The following PRPSAP2 variants were observed in gnomAD, a reference collection of about 807,000 sequenced individuals.
PRPSAP2 encodes the protein phosphoribosyl pyrophosphate synthase-associated protein 2.
A neutral mutation model predicts 40.6 loss-of-function variants in PRPSAP2; 24 were observed. The ratio of observed to expected loss-of-function variants is 0.59; its 90% CI spans 0.43 to 0.83. The LOEUF (loss-of-function observed/expected upper bound fraction) is 0.83. Among genes scored for constraint, PRPSAP2 ranks in the 40% least tolerant of loss-of-function variants. The probability of loss-of-function intolerance (pLI) is 0.00; values close to 1 mark genes in which losing one functional copy is unlikely to be tolerated. For missense variants in PRPSAP2, 292 were observed against 465.6 expected, an observed-to-expected ratio of 0.63 and a Z score of 3.43; for synonymous variants, 149 against 164.7, an observed-to-expected ratio of 0.90 and a Z score of 0.73.
At chr17:18,897,147 G>A (rs1417622588) in intron 8 of PRPSAP2, among the ~76,000 whole-genome samples, 2 of 151,704 alleles carry the variant, frequency 1.3e-5, no homozygotes, top group Non-Finnish European at 2.9e-5. Flanking sequence ...TTGTAGAGAT[G>A]GGGTCTCACT....
chr17:18,868,696 C>T (rs919349620), intron 4 of PRPSAP2, among the ~76,000 whole-genome samples: 7 of 150,282 alleles, frequency 4.7e-5, no homozygotes, highest in African/African-American at 1.5e-4. Flanking sequence ...ATTCCTGTTC[C>T]TTTTCCACTA....
rs571437512 is a variant in PRPSAP2, at chr17:18,875,648, G to T, written c.240-2050G>T. ...GGAGGCCGAGGCGGGCAGATCAGGA[G>T]TTCAAGACCAGCCTGGCCAACATGG... On this transcript the variant is annotated intron_variant, in intron 5 of 11. Transcript: ENST00000268835. Among the ~76,000 whole-genome samples, 31 of 152,056 alleles carry T rather than the reference G, an allele frequency of 2.0e-4. 1 individual carries two copies. Among genetic ancestry groups the T allele is most frequent in the Admixed American group, 1.3e-3 (20 of 15,242 alleles).
chr17:18,865,780 A>C lies in PRPSAP2; in HGVS notation c.-32-22A>C. ...TATTTCATATCATATGGCAGTTTTT[A>C]ATAAGTATTATATCCTTCTAGGCTC... On this transcript the variant is annotated intron_variant, in intron 2 of 11. Transcript: ENST00000268835. 5 of 1,323,556 alleles carry C rather than the reference A, an allele frequency of 3.8e-6. No individual in the cohort carries two copies. In the South Asian group the frequency reaches 1.3e-4, roughly 34 times the overall value. 82.0% of individuals were successfully genotyped at this position (1,323,556 alleles called of 1,614,324 possible).
intron 8 of PRPSAP2, among the ~76,000 whole-genome samples, chr17:18,898,075 G>A (rs1321626959): frequency 7.5e-6 from 1 of 133,424 alleles, no homozygotes; most frequent in African/African-American, 2.8e-5. Context: ...CTTAGCTCTT[G>A]GTAACCTCCG....
intron 8 of PRPSAP2, among the ~76,000 whole-genome samples, chr17:18,910,482 T>C (rs1263999292): frequency 1.3e-5 from 2 of 152,134 alleles, no homozygotes; most frequent in African/African-American, 4.8e-5. Flanking sequence ...AAATTCTAGA[T>C]AGGTGAAACT....
At chr17:18,915,822 AT>A (rs373945656) in intron 9 of PRPSAP2, among the ~76,000 whole-genome samples, 11,590 of 143,884 alleles carry the variant, frequency 0.081, 708 homozygotes, top group African/African-American at 0.18. Context: ...CTGGGGATCA[AT>A]TTTTTTTTTT....
At chr17:18,892,727 G>GTGTGTGTGTGTGTT (rs60288281) in intron 8 of PRPSAP2, among the ~76,000 whole-genome samples, 7,474 of 126,540 alleles carry the variant, frequency 0.059, 535 homozygotes, top group Non-Finnish European at 0.078. Context: ...GTGTGTGTGT[G>GTGTGTGTGTGTGTT]TATTTATTTA....
At chr17:18,879,396 T>C (rs1464949036) in intron 6 of PRPSAP2, among the ~76,000 whole-genome samples, 1 of 152,190 alleles carries the variant, frequency 6.6e-6, no homozygotes, top group East Asian at 1.9e-4. Context: ...GCAATTCTCC[T>C]GCCTCAGCCC....
intron 10 of PRPSAP2, among the ~76,000 whole-genome samples, chr17:18,926,270 TCTA>T (rs1243468827): frequency 4.8e-5 from 7 of 145,998 alleles, no homozygotes; most frequent in African/African-American, 1.8e-4. Context: ...TTTATTTATT[TCTA>T]TTTTTTTTTT....
At chr17:18,892,957 T>C (rs1597636396) in intron 8 of PRPSAP2, among the ~76,000 whole-genome samples, 3 of 151,902 alleles carry the variant, frequency 2.0e-5, no homozygotes, top group African/African-American at 7.3e-5. Context: ...GAAATGCCTG[T>C]TCACACCCTT....
chr17:18,898,071 T>C (rs2040034103), intron 8 of PRPSAP2, among the ~76,000 whole-genome samples: 1 of 144,826 alleles, frequency 6.9e-6, no homozygotes, highest in African/African-American at 2.5e-5. Context: ...CAATCTTAGC[T>C]CTTGGTAACC....
At chr17:18,867,181 A>G (rs1197227512) in intron 3 of PRPSAP2, 101 bp from the exon 4 acceptor site, 1 of 1,172,192 alleles carries the variant, frequency 8.5e-7, no homozygotes, top group African/African-American at 1.6e-5. Flanking sequence ...GAATAACTTT[A>G]TTTTATTTTA....
chr17:18,862,253 G>A (rs907144968), intron 1 of PRPSAP2, among the ~76,000 whole-genome samples: 1 of 152,164 alleles, frequency 6.6e-6, no homozygotes, highest in Non-Finnish European at 1.5e-5. Flanking sequence ...CAGACCCTGG[G>A]GCTGTTCAAG....
At chr17:18,892,095 T>C (rs1337616049) in intron 8 of PRPSAP2, among the ~76,000 whole-genome samples, 1 of 152,228 alleles carries the variant, frequency 6.6e-6, no homozygotes, top group African/African-American at 2.4e-5. Flanking sequence ...GACCTTGTGA[T>C]CTGCCTGCCT....
chr17:18,865,238 AGTGTC>A (rs1314920952), intron 1 of PRPSAP2, among the ~76,000 whole-genome samples: 1 of 152,148 alleles, frequency 6.6e-6, no homozygotes. Flanking sequence ...TGGTCGCTTA[AGTGTC>A]CTTCAAGGTG....
At position 18,914,249 on chromosome 17, in the gene PRPSAP2, C is replaced by CTTTTTTTTTTTTTTTTTTT. The variant is rs60892883; in HGVS notation, c.733+3006_733+3024dup. ...GAGTTCTGTCCTGAACATGTTTTTG[C>CTTTTTTTTTTTTTTTTTTT]TTTTTTTTTTTTTTTTTTTTTTTTT... On this transcript the variant is annotated intron_variant, in intron 9 of 11. Coordinates refer to ENST00000268835, the MANE Select transcript of PRPSAP2 (RefSeq NM_002767.4). 1.2e-3 allele frequency among the ~76,000 whole-genome samples: 56 copies of CTTTTTTTTTTTTTTTTTTT among 48,106 alleles called. 7 individuals are homozygous for CTTTTTTTTTTTTTTTTTTT. The highest frequency in any genetic ancestry group is 1.5e-3 in the African/African-American group (16 of 10,350). The allele number at this position is 48,106 out of a possible 152,430, so 31.6% of individuals were successfully genotyped here.
At chr17:18,899,519 G>GC (rs2040132100) in intron 8 of PRPSAP2, among the ~76,000 whole-genome samples, 1 of 60,554 alleles carries the variant, frequency 1.7e-5, no homozygotes, top group Non-Finnish European at 2.9e-5. Flanking sequence ...ATCCAACTGA[G>GC]TTTTTTTTTT....
intron 8 of PRPSAP2, among the ~76,000 whole-genome samples, chr17:18,895,332 C>T (rs1247806754): frequency 1.3e-5 from 2 of 151,780 alleles, no homozygotes; most frequent in Non-Finnish European, 2.9e-5. Flanking sequence ...CTCCTAGGCT[C>T]AGCCTCCCAG....
chr17:18,877,630 A>C (rs1191573468), intron 5 of PRPSAP2, 68 bp from the exon 6 acceptor site: 2 of 1,452,666 alleles, frequency 1.4e-6, no homozygotes, highest in African/African-American at 1.4e-5. Flanking sequence ...CACACTGCTG[A>C]CACTTTTTGG....
Sources: gnomAD v4.1 joint callset for allele counts (sites outside exome capture counted in the v4.1 genomes callset) on GRCh38, gnomAD v4.1.1 for gene constraint, MANE v1.5 for transcripts, NCBI Gene and HGNC (gene_info 2026-07-23, HGNC 2026-07-21) for gene names.